KDM2B: variants seen among roughly 807,000 people sequenced by gnomAD.
KDM2B encodes the protein lysine-specific demethylase 2B.
In KDM2B, 26 loss-of-function variants were observed where a neutral mutation model predicts 150.0. The observed-to-expected ratio is 0.17, with a 90% CI of 0.13 to 0.24. The LOEUF (loss-of-function observed/expected upper bound fraction) is 0.24. Among genes scored for constraint, KDM2B ranks in the 10% least tolerant of loss-of-function variants. KDM2B has a pLI of 1.00. For synonymous variants in KDM2B, 734 were observed against 729.5 expected (o/e 1.01, Z -0.10); for missense variants, 1,265 against 1,816.9 (o/e 0.70, Z 5.52).
chr12:121,501,391 T>G (rs1366988060), intron 11 of KDM2B, among the ~76,000 whole-genome samples: 1 of 151,678 alleles, frequency 6.6e-6, no homozygotes, highest in Non-Finnish European at 1.5e-5. Flanking sequence ...TTCAAAAAAA[T>G]AAATAAAATA....
chr12:121,420,301 T>G, the KDM2B span: 5 of 1,575,624 alleles, frequency 3.2e-6, no homozygotes, highest in Non-Finnish European at 4.3e-6. Flanking sequence ...ATGATGAGGA[T>G]GATGATGATG....
the KDM2B span, among the ~76,000 whole-genome samples, chr12:121,409,057 G>A: frequency 6.6e-5 from 10 of 151,860 alleles, no homozygotes; most frequent in Non-Finnish European, 4.4e-5. Context: ...TCTGCTCACT[G>A]CAACCTCCAC....
the KDM2B span, among the ~76,000 whole-genome samples, chr12:121,414,691 G>A: frequency 6.6e-6 from 1 of 152,090 alleles, no homozygotes; most frequent in South Asian, 2.1e-4. Context: ...TTGTTTTTTC[G>A]AGATGGACTC....
intron 11 of KDM2B, among the ~76,000 whole-genome samples, chr12:121,496,493 C>CTTTTTT (rs782450832): frequency 2.5e-5 from 3 of 121,480 alleles, no homozygotes; most frequent in African/African-American, 3.4e-5. Flanking sequence ...GCTCATTGTC[C>CTTTTTT]TTTTTTTTTT....
At chr12:121,443,272 A>G (rs998246062) in intron 17 of KDM2B, 2 of 591,002 alleles carry the variant, frequency 3.4e-6, no homozygotes, top group South Asian at 4.0e-5. Flanking sequence ...CTCCCACCCC[A>G]CAGACCTGGA....
rs1594008275 is a variant in KDM2B at position 121,513,357 on chromosome 12, A to G, written c.1093T>C (p.Tyr365His). Residue 365 changes from tyrosine to histidine, a missense_variant, in exon 10 of 23, where the codon TAT (tyrosine) becomes CAT (histidine). Physicochemically the swap from Tyr to His is moderately conservative, Grantham distance 83. This residue lies in a region of KDM2B where 214 missense variants were observed against 447.4 expected (regional missense o/e 0.48). Transcript: ENST00000377071. This position sits in a 1 kb window ranked among gnomAD's most constrained non-coding sequence, Gnocchi z 5.0. ...RYPFYYEMCW[Y>H]VLERYVYCVT... is the part of the protein sequence containing the mutation. ...CAGTACACGTATCTCTCCAGGACAT[A>G]CCAGCACATCTCATAGTAGAAGGGG... 2 of 1,613,108 alleles carry G rather than the reference A, an allele frequency of 1.2e-6. No individual in the cohort carries two copies. Among genetic ancestry groups the G allele is most frequent in the Non-Finnish European group, 1.7e-6 (2 of 1,179,568 alleles).
chr12:121,441,707 T>G (rs1349738550), intron 19 of KDM2B, among the ~76,000 whole-genome samples: 5 of 152,198 alleles, frequency 3.3e-5, no homozygotes, highest in Non-Finnish European at 4.4e-5. Flanking sequence ...ATTACAGGCA[T>G]GAGCCACTGC....
At chr12:121,482,459 C>A (rs1343649908) in intron 12 of KDM2B, among the ~76,000 whole-genome samples, 1 of 152,128 alleles carries the variant, frequency 6.6e-6, no homozygotes. Flanking sequence ...CCCGCCACCA[C>A]GCCCAGCTAA....
intron 11 of KDM2B, 84 bp downstream of exon 11, chr12:121,509,483 G>A (rs529606880): frequency 1.0e-5 from 16 of 1,546,230 alleles, no homozygotes; most frequent in Admixed American, 3.8e-5. Flanking sequence ...CAGAGCCATC[G>A]TGAGCTGAGC....
chr12:121,567,706 C>CTTTTTT (rs1180847689), intron 4 of KDM2B, among the ~76,000 whole-genome samples: 23 of 120,914 alleles, frequency 1.9e-4, no homozygotes, highest in Admixed American at 3.4e-4. Flanking sequence ...AAATACATTT[C>CTTTTTT]TTTTTTTTTT....
intron 11 of KDM2B, among the ~76,000 whole-genome samples, chr12:121,497,210 C>T (rs879993943): frequency 1.3e-5 from 2 of 152,160 alleles, no homozygotes; most frequent in Non-Finnish European, 2.9e-5. Context: ...TTTGTAAATG[C>T]TATTTATAAA....
In KDM2B at chr12:121,578,849, C is replaced by T; in HGVS notation, c.224G>A (p.Arg75His). ...VRGFSLEEKL[R>H]SQLYQGDFVH... ...GAAGTCCCCCTGGTACAGCTGGCTG[C>T]GAAGCTTCTCCTCCAGGCTGAAGCC... The change falls in exon 2 of 23, where the codon CGC becomes CAC. Residue 75 changes from arginine to histidine, a missense_variant. Physicochemically the swap from Arg to His is conservative, Grantham distance 29. Around this residue, in one of 11 missense-constraint regions of KDM2B, gnomAD observed 214 missense variants for 447.4 expected, o/e 0.48. Transcript: ENST00000377071. 6.2e-7 allele frequency: 1 copy of T among 1,610,438 alleles called. No individual in the cohort carries two copies. The highest frequency in any genetic ancestry group is 1.1e-5 in the South Asian group (1 of 90,610).
At chr12:121,417,376 G>C in the KDM2B span, 7 of 728,752 alleles carry the variant, frequency 9.6e-6, no homozygotes, top group Non-Finnish European at 1.6e-5. The surrounding 1 kb of genome is among the most constrained non-coding windows in gnomAD (Gnocchi z 5.0). Flanking sequence ...AATACCTCTG[G>C]AAATAGTCTG....
At chr12:121,435,892 G>A (rs542737251) in intron 22 of KDM2B, among the ~76,000 whole-genome samples, 11 of 152,208 alleles carry the variant, frequency 7.2e-5, no homozygotes, top group South Asian at 4.2e-4. Flanking sequence ...AGCTCCAACC[G>A]CGTGCCCAGA....
chr12:121,422,554 T>C, the KDM2B span, among the ~76,000 whole-genome samples: 2 of 152,156 alleles, frequency 1.3e-5, no homozygotes, highest in Non-Finnish European at 2.9e-5. Flanking sequence ...CACAAGAATC[T>C]CTCCCCATGA....
chr12:121,544,105 AC>A (rs142431641), intron 6 of KDM2B, among the ~76,000 whole-genome samples: 5,125 of 118,142 alleles, frequency 0.043, 167 homozygotes, highest in East Asian at 0.12. Flanking sequence ...ACAGAGAGAG[AC>A]CCTGCCTCAA....
chr12:121,478,677 T>C (rs1881679967), intron 12 of KDM2B, among the ~76,000 whole-genome samples: 1 of 151,652 alleles, frequency 6.6e-6, no homozygotes, highest in African/African-American at 2.4e-5. Flanking sequence ...TTATTTATAC[T>C]GGGCTCAGGC....
At chr12:121,477,289 T>C (rs190232286) in intron 12 of KDM2B, among the ~76,000 whole-genome samples, 1 of 152,286 alleles carries the variant, frequency 6.6e-6, no homozygotes, top group Admixed American at 6.5e-5. Flanking sequence ...CTAAAAATGG[T>C]ACCTTCTAAA....
At position 121,452,385 on chromosome 12, in the gene KDM2B, G is replaced by A. The variant is rs782463808; in HGVS notation, c.1959+735C>T. Reference sequence around the variant, plus strand: ...CGGGGCATCGACAGCCAAGGAGGAAGGGCTCACCCTATGCCAGGCTGGGCC... The same window carrying A: ...CGGGGCATCGACAGCCAAGGAGGAAAGGCTCACCCTATGCCAGGCTGGGCC... On this transcript the variant is annotated intron_variant, in intron 13 of 22. Coordinates refer to ENST00000377071, the MANE Select transcript of KDM2B (RefSeq NM_032590.5). The surrounding 1 kb of genome is among the most constrained non-coding windows in gnomAD (Gnocchi z 4.4). 1.3e-5 allele frequency among the ~76,000 whole-genome samples: 2 copies of A among 152,214 alleles called. No homozygotes were observed. Among genetic ancestry groups the A allele is most frequent in the African/African-American group, 2.4e-5 (1 of 41,462 alleles).
Sources: allele counts gnomAD v4.1 joint callset (sites outside exome capture counted in the v4.1 genomes callset), GRCh38; gene constraint gnomAD v4.1.1; regional missense constraint gnomAD v4.1.1; non-coding constraint Gnocchi (gnomAD v3.1); transcripts MANE v1.5; gene names NCBI Gene and HGNC (gene_info 2026-07-23, HGNC 2026-07-21).